Variants in MGRN1 observed in about 807,000 individuals in gnomAD.
MGRN1 encodes the protein mahogunin ring finger 1.
MGRN1 carries 29 observed loss-of-function variants against 69.2 expected under a neutral mutation model. That is an observed-to-expected ratio of 0.42 (90% CI 0.31 to 0.57). The LOEUF is 0.57. Among genes scored for constraint, MGRN1 ranks in the 20% least tolerant of loss-of-function variants. The probability of loss-of-function intolerance (pLI) is 0.15; values close to 1 mark genes in which losing one functional copy is unlikely to be tolerated. For missense variants in MGRN1, 998 were observed against 796.2 expected (o/e 1.25, Z -3.05); for synonymous variants, 470 against 344.2 (o/e 1.37, Z -4.04).
chr16:4,686,883 C>G (rs887544354), intron 16 of MGRN1: 32 of 985,494 alleles, frequency 3.2e-5, no homozygotes, highest in Non-Finnish European at 3.7e-5. Flanking sequence ...GGGAGAGCCC[C>G]TGGATCACGT....
chr16:4,672,876 T>A (rs150172147), intron 9 of MGRN1, among the ~76,000 whole-genome samples: 1 of 152,200 alleles, frequency 6.6e-6, no homozygotes. Context: ...CTTGCTCTGT[T>A]GCCCAGGCTG....
At chr16:4,661,608 C>T (rs1438917665) in intron 5 of MGRN1, among the ~76,000 whole-genome samples, 1 of 152,260 alleles carries the variant, frequency 6.6e-6, no homozygotes, top group South Asian at 2.1e-4. Context: ...GACTCTGGCC[C>T]TGGGCCAGTG....
chr16:4,672,180 A>C (rs528316909), intron 9 of MGRN1, among the ~76,000 whole-genome samples: 51 of 152,282 alleles, frequency 3.3e-4, no homozygotes, highest in Non-Finnish European at 4.9e-4. Context: ...CTGGGATTAC[A>C]GGCGTGAACC....
At chr16:4,673,183 C>T (rs1031807394) in intron 9 of MGRN1, among the ~76,000 whole-genome samples, 3 of 152,176 alleles carry the variant, frequency 2.0e-5, no homozygotes, top group African/African-American at 7.2e-5. Flanking sequence ...TACCCTGACC[C>T]TCAGGAAGAT....
At chr16:4,673,256 T>C (rs979151576) in intron 9 of MGRN1, among the ~76,000 whole-genome samples, 2 of 152,140 alleles carry the variant, frequency 1.3e-5, no homozygotes, top group African/African-American at 4.8e-5. Context: ...AAAGAGACCA[T>C]GTTCTCATGA....
chr16:4,635,527 T>C (rs557068011), intron 1 of MGRN1, among the ~76,000 whole-genome samples: 161 of 152,190 alleles, frequency 1.1e-3, no homozygotes, highest in Middle Eastern at 3.4e-3. Context: ...TGGAGTGTAG[T>C]GGCATGATCT....
intron 9 of MGRN1, chr16:4,672,272 T>G (rs1334458653): frequency 2.3e-6 from 1 of 442,652 alleles, no homozygotes; most frequent in Admixed American, 2.5e-5. Flanking sequence ...GTCTCAAACT[T>G]CTGATCTCAA....
chr16:4,635,022 A>G (rs1898207418), intron 1 of MGRN1: 1 of 152,276 alleles, frequency 6.6e-6, no homozygotes, highest in Non-Finnish European at 1.5e-5. Context: ...CCAGACTCCC[A>G]GGGAGCCTTC....
intron 7 of MGRN1, among the ~76,000 whole-genome samples, 186 bp downstream of exon 7, chr16:4,665,337 C>T (rs2078777967): frequency 1.3e-5 from 2 of 151,044 alleles, no homozygotes; most frequent in African/African-American, 4.9e-5. Context: ...AGGCCGAGTG[C>T]CGCTGTCAGG....
At chr16:4,683,559 A>G (rs906079403) in intron 15 of MGRN1, among the ~76,000 whole-genome samples, 5 of 150,260 alleles carry the variant, frequency 3.3e-5, no homozygotes, top group African/African-American at 1.2e-4. Context: ...CTATGACCAA[A>G]AAAAAAAAAG....
intron 10 of MGRN1, chr16:4,677,045 T>G (rs1225786198): frequency 6.3e-6 from 1 of 159,584 alleles, no homozygotes; most frequent in Non-Finnish European, 1.4e-5. Context: ...ACGTCCTGTC[T>G]CGGGTGCAGC....
chr16:4,651,098 G>A (rs2078396776), intron 2 of MGRN1: 1 of 149,992 alleles, frequency 6.7e-6, no homozygotes, highest in Non-Finnish European at 1.5e-5. Flanking sequence ...AACAAAGGGA[G>A]ACTGTCTCAA....
intron 1 of MGRN1, among the ~76,000 whole-genome samples, chr16:4,648,569 G>A (rs866665344): frequency 9.6e-6 from 1 of 103,960 alleles, no homozygotes; most frequent in Admixed American, 9.4e-5. Context: ...GGCTCTTCCC[G>A]TGGTCACCCG....
intron 11 of MGRN1, 24 bp downstream of exon 11, chr16:4,677,596 G>A: frequency 6.3e-7 from 1 of 1,592,544 alleles, no homozygotes; most frequent in Non-Finnish European, 8.5e-7. Context: ...CCTGCCTGCG[G>A]GATGGGCGGG....
chr16:4,643,431 C>T (rs1401666197), intron 1 of MGRN1, among the ~76,000 whole-genome samples: 2 of 136,110 alleles, frequency 1.5e-5, no homozygotes, highest in Admixed American at 8.0e-5. Flanking sequence ...TTTTCTGAGA[C>T]AGAGTCTCCC....
intron 1 of MGRN1, among the ~76,000 whole-genome samples, chr16:4,642,139 T>TC (rs2078173558): frequency 1.3e-5 from 2 of 149,052 alleles, no homozygotes; most frequent in African/African-American, 2.5e-5. Flanking sequence ...TTTTTTTTTT[T>TC]TTTTTTTAAA....
At position 4,673,353 on chromosome 16, in the gene MGRN1, C is replaced by A. The variant is rs2078983211; in HGVS notation, c.796-145C>A. 42 of 1,104,078 alleles carry A rather than the reference C, an allele frequency of 3.8e-5. No individual in the cohort carries two copies. The South Asian group carries it at 6.0e-4, about 16-fold the overall frequency. 68.4% of individuals were successfully genotyped at this position (1,104,078 alleles called of 1,614,324 possible). A position where few individuals can be genotyped will look rare whatever the true frequency, so the allele number is the denominator to read the frequency against. Reference sequence around the variant, plus strand: ...TGAGCCTGGTGATTCTGCTCTGGGGCAACCTCCCCCTCCCCTCTGGACTTC... The same window carrying A: ...TGAGCCTGGTGATTCTGCTCTGGGGAAACCTCCCCCTCCCCTCTGGACTTC... On this transcript the variant is annotated intron_variant, in intron 9 of 16. Transcript: ENST00000262370.
At chr16:4,661,402 TGGG>T (rs1271048809) in intron 5 of MGRN1, among the ~76,000 whole-genome samples, 1 of 152,218 alleles carries the variant, frequency 6.6e-6, no homozygotes, top group Non-Finnish European at 1.5e-5. Flanking sequence ...CGGAGGAGGC[TGGG>T]TCGGCTCCTG....
In MGRN1 at chr16:4,689,888, C is replaced by G. The variant is rs1390251561; in HGVS notation, c.*980C>G. 2 of 152,060 alleles carry G rather than the reference C, an allele frequency of 1.3e-5. No homozygotes were observed. Among genetic ancestry groups the G allele is most frequent in the Non-Finnish European group, 2.9e-5 (2 of 68,058 alleles). The allele number at this position is 152,060 out of a possible 1,614,324, so 9.4% of individuals were successfully genotyped here. On this transcript the variant is annotated 3_prime_UTR_variant, in exon 17 of 17. Transcript: ENST00000262370. Reference sequence around the variant, plus strand: ...TCAAGTGATCGTCCTGCCTTAGGCTCCTGAGTAGCTGGGGATTACAGGTGC... The same window carrying G: ...TCAAGTGATCGTCCTGCCTTAGGCTGCTGAGTAGCTGGGGATTACAGGTGC...
Sources: gnomAD v4.1 joint callset for allele counts (sites outside exome capture counted in the v4.1 genomes callset) on GRCh38, gnomAD v4.1.1 for gene constraint, MANE v1.5 for transcripts, NCBI Gene and HGNC (gene_info 2026-07-23, HGNC 2026-07-21) for gene names.